Variants in RMC1 observed in about 807,000 individuals in gnomAD.
RMC1 encodes the protein regulator of MON1-CCZ1, also known as regulator of MON1-CCZ1 complex.
A neutral mutation model predicts 95.5 loss-of-function variants in RMC1; 44 were observed. That is an observed-to-expected ratio of 0.46 (90% confidence interval 0.36 to 0.59). The LOEUF is 0.59. RMC1 is among the 20% of genes least tolerant of loss of function. RMC1 has a pLI of 0.00. For synonymous variants in RMC1, 320 were observed against 303.6 expected (o/e 1.05, Z -0.56); for missense variants, 705 against 819.6 (o/e 0.86, Z 1.71).
rs145460824 is a variant in RMC1 at position 23,520,249 on chromosome 18, C to T, written c.897C>T (p.Ser299=). ...DIKLRGEFDG[S]VTFHHPVLPA... is the part of the protein sequence containing the mutation. ...AGTTACGGGGAGAGTTTGACGGCTC[C>T]GTTACCTTCCACCACCCCGTGCTTC... The change falls in exon 10 of 20, where the codon TCC becomes TCT. Residue 299 remains serine (S), a synonymous_variant. Coordinates refer to ENST00000269221, the MANE Select transcript of RMC1 (RefSeq NM_013326.5). 57 of 1,614,116 alleles carry T rather than the reference C, an allele frequency of 3.5e-5. No individual in the cohort carries two copies. The East Asian group carries it at 8.7e-4, about 25-fold the overall frequency.
chr18:23,524,002 C>T (rs2058220844), intron 10 of RMC1, 128 bp from the exon 11 acceptor site: 4 of 1,055,844 alleles, frequency 3.8e-6, no homozygotes, highest in East Asian at 2.4e-5. Context: ...CAGTTCATTT[C>T]TTCCTTGACT....
chr18:23,516,348 T>A lies in RMC1; in HGVS notation c.578T>A (p.Phe193Tyr). Residue 193 changes from phenylalanine to tyrosine, a missense_variant, in exon 7 of 20, where the codon TTT becomes TAT. Phe to Tyr is a conservative substitution (Grantham distance 22). Transcript: ENST00000269221. Reference protein sequence around the residue: ...RAGTMSKLPKFEIELPAAPKS... With the variant: ...RAGTMSKLPKYEIELPAAPKS... ...GGCACTATGTCGAAGCTGCCCAAAT[T>A]TGAGATTGAATTACCAGCTGCGCCT... 1 of 1,614,236 alleles carries A rather than the reference T, an allele frequency of 6.2e-7. No individual in the cohort carries two copies.
At chr18:23,526,919 G>C (rs1413061363) in intron 13 of RMC1, among the ~76,000 whole-genome samples, 154 bp downstream of exon 13, 1 of 152,158 alleles carries the variant, frequency 6.6e-6, no homozygotes, top group East Asian at 1.9e-4. Context: ...CCCTAGGAAA[G>C]GCTGCTAAAT....
At chr18:23,524,569 A>G in intron 12 of RMC1, 87 bp downstream of exon 12, 1 of 1,387,616 alleles carries the variant, frequency 7.2e-7, no homozygotes, top group Non-Finnish European at 1.0e-6. Context: ...TTTCAAGGTG[A>G]ATCTCTTAGA....
chr18:23,516,341 C>T lies in RMC1; in HGVS notation c.571C>T (p.Pro191Ser). Residue 191 changes from proline (P) to serine (S), a missense_variant, in exon 7 of 20, where the codon CCC becomes TCC. Physicochemically the swap from Pro to Ser is moderately conservative, Grantham distance 74. Coordinates refer to ENST00000269221, the MANE Select transcript of RMC1 (RefSeq NM_013326.5). The stretch of plus-strand genomic sequence containing the variant: ...ACAGGCTGGCACTATGTCGAAGCTG[C>T]CCAAATTTGAGATTGAATTACCAGC... ...HFRAGTMSKLPKFEIELPAAP... is the reference protein window; with the variant it reads ...HFRAGTMSKLSKFEIELPAAP... 1.2e-6 allele frequency: 2 copies of T among 1,614,216 alleles called. No homozygotes were observed. Among genetic ancestry groups the T allele is most frequent in the Non-Finnish European group, 1.7e-6 (2 of 1,180,046 alleles).
Position 23,531,645 on chromosome 18 carries a change from G to T in RMC1, c.1915G>T (p.Val639Phe). ...FTPGEHCEEHVAFFKQIFGDQ... is the reference protein window; with the variant it reads ...FTPGEHCEEHFAFFKQIFGDQ... Reference sequence around the variant, plus strand: ...TCTAGGGGAACACTGTGAAGAACATGTTGCTTTTTTCAAACAGATTTTTGG... The same window carrying T: ...TCTAGGGGAACACTGTGAAGAACATTTTGCTTTTTTCAAACAGATTTTTGG... The change falls in exon 20 of 20, where the codon GTT (valine) becomes TTT (phenylalanine). Residue 639 changes from valine to phenylalanine, a missense_variant. Physicochemically the swap from Val to Phe is conservative, Grantham distance 50. Coordinates refer to ENST00000269221, the MANE Select transcript of RMC1 (RefSeq NM_013326.5). The T allele has an allele frequency of 1.2e-6, 2 of 1,613,386 alleles. No individual in the cohort carries two copies. Among genetic ancestry groups the T allele is most frequent in the Non-Finnish European group, 1.7e-6 (2 of 1,179,878 alleles).
chr18:23,527,510 C>T (rs1187356712), intron 13 of RMC1, among the ~76,000 whole-genome samples: 3 of 149,864 alleles, frequency 2.0e-5, no homozygotes, highest in Non-Finnish European at 3.0e-5. Flanking sequence ...AAACTCCCAG[C>T]GTTAAGTGAT....
rs758131664 is a variant in RMC1 at position 23,503,606 on chromosome 18, C to A, written c.-13C>A. ...CCGCCCCCGGGGCCCCCGCCGCGGGCGCGGCGCCCGCCATGGGCGAGGAGG... is the reference window on the plus strand; with the variant it reads ...CCGCCCCCGGGGCCCCCGCCGCGGGAGCGGCGCCCGCCATGGGCGAGGAGG... On this transcript the variant is annotated 5_prime_UTR_variant, in exon 1 of 20. Coordinates refer to ENST00000269221, the MANE Select transcript of RMC1 (RefSeq NM_013326.5). 3.2e-6 allele frequency: 5 copies of A among 1,541,454 alleles called. No individual in the cohort carries two copies. The highest frequency in any genetic ancestry group is 2.4e-5 in the South Asian group (2 of 84,966).
chr18:23,516,142 G>T, intron 6 of RMC1, 146 bp downstream of exon 6: 1 of 1,357,862 alleles, frequency 7.4e-7, no homozygotes. Flanking sequence ...CTGTATACCC[G>T]TCAGCTCCTG....
chr18:23,516,640 A>G (rs888921013), intron 7 of RMC1, among the ~76,000 whole-genome samples: 1 of 152,070 alleles, frequency 6.6e-6, no homozygotes, highest in Non-Finnish European at 1.5e-5. Flanking sequence ...TTGTGATGCT[A>G]AGGAATTCCT....
rs78819212 is a variant in RMC1 at position 23,525,876 on chromosome 18, G to A, written c.1061-761G>A. 0.023 allele frequency among the ~76,000 whole-genome samples: 3,494 copies of A among 152,314 alleles called. 241 individuals are homozygous for A. In the East Asian group the frequency reaches 0.29, roughly 12 times the overall value. On this transcript the variant is annotated intron_variant, in intron 12 of 19. Transcript: ENST00000269221. ...TCTGGAATTCCTAAGAACTCTTGAG[G>A]AGAGAATTAGCCCTGATGCTGTAGG...
rs760109984 is a variant in RMC1, at chr18:23,529,619, A to AT, written c.1417-9dup. The AT allele has an allele frequency of 9.9e-6, 16 of 1,610,892 alleles. No homozygotes were observed. In the South Asian group the frequency reaches 1.2e-4, roughly 12 times the overall value. ...ACCTCGTTGGTATTTGTAAGACCAC[A>AT]TTTTTTTCTCCCTAGGAGATGCCTC... is the stretch of plus-strand genomic sequence containing the variant. On this transcript the variant is annotated splice_polypyrimidine_tract_variant and intron_variant, in intron 15 of 19. Transcript: ENST00000269221.
intron 5 of RMC1, among the ~76,000 whole-genome samples, chr18:23,510,322 CAAA>C (rs1041112782): frequency 7.5e-6 from 1 of 133,982 alleles, no homozygotes; most frequent in Non-Finnish European, 1.6e-5. Flanking sequence ...GACCCCATCT[CAAA>C]AAAAAAAACA....
chr18:23,528,265 A>C (rs2058367490), intron 14 of RMC1: 1 of 168,648 alleles, frequency 5.9e-6, no homozygotes, highest in Non-Finnish European at 1.3e-5. Flanking sequence ...TAGAAAATTA[A>C]ATTAGAAATA....
chr18:23,503,936 G>A (rs780452351), intron 1 of RMC1, among the ~76,000 whole-genome samples: 21 of 152,318 alleles, frequency 1.4e-4, no homozygotes, highest in Non-Finnish European at 2.6e-4. Context: ...CGAGCCAGCT[G>A]CGCGGATGCA....
intron 14 of RMC1, chr18:23,528,866 C>T (rs1178705338): frequency 4.3e-6 from 1 of 231,130 alleles, no homozygotes; most frequent in African/African-American, 2.3e-5. Flanking sequence ...ATTGCATAAT[C>T]TGCACGGATC....
chr18:23,530,662 C>T lies in RMC1; in HGVS notation c.1894+50C>T, dbSNP rs1453777928. ...GGGTAACCATAGCCTCAAAGAGTAG[C>T]AGAGGGCACTGGCAGCTGGTGGGCG... On this transcript the variant is annotated intron_variant, in intron 19 of 19. Transcript: ENST00000269221. 3.9e-6 allele frequency: 6 copies of T among 1,555,042 alleles called. No homozygotes were observed. The South Asian group carries it at 7.0e-5, about 18-fold the overall frequency.
Position 23,527,838 on chromosome 18 carries a change from T to C in RMC1, c.1233T>C (p.Thr411=), listed in dbSNP as rs1377045308. The change falls in exon 14 of 20, where the codon ACT becomes ACC. Residue 411 remains threonine (T), a synonymous_variant. Transcript: ENST00000269221. ...GAGCATCGCTGCCCGTGATAGCCAC[T>C]GTTTTTGATAAACTCAACCATGAGT... ...SDRASLPVIA[T]VFDKLNHEYK... is the part of the protein sequence containing the mutation. The C allele has an allele frequency of 3.1e-6, 5 of 1,614,172 alleles. 1 individual carries two copies. In the Admixed American group the frequency reaches 6.7e-5, roughly 22 times the overall value.
At position 23,530,276 on chromosome 18, in the gene RMC1, G is replaced by T; in HGVS notation, c.1647G>T (p.Gln549His). ...AGAGTTTCTATCCTCCTGCTCATCA[G>T]CTATCTCTGGACATGCTGAAGGTAA... ...SLESFYPPAH[Q>H]LSLDMLKRLS... The change falls in exon 18 of 20, where the codon CAG becomes CAT. Residue 549 changes from glutamine (Q) to histidine (H), a missense_variant. Gln to His is a conservative substitution (Grantham distance 24, BLOSUM62 0). Transcript: ENST00000269221. 1 of 1,614,194 alleles carries T rather than the reference G, an allele frequency of 6.2e-7. No homozygotes were observed. Among genetic ancestry groups the T allele is most frequent in the Non-Finnish European group, 8.5e-7 (1 of 1,180,036 alleles).
Sources: gnomAD v4.1 joint callset for allele counts (sites outside exome capture counted in the v4.1 genomes callset) on GRCh38, gnomAD v4.1.1 for gene constraint, MANE v1.5 for transcripts, NCBI Gene and HGNC (gene_info 2026-07-23, HGNC 2026-07-21) for gene names.